The following DUS2 variants were observed in gnomAD, a reference collection of about 807,000 sequenced individuals.
DUS2 encodes the protein tRNA-dihydrouridine(20) synthase [NAD(P)+]-like.
DUS2 carries 52 observed loss-of-function variants against 71.3 expected under a neutral mutation model. That is an observed-to-expected ratio of 0.73 (90% CI 0.58 to 0.92). DUS2 has a LOEUF of 0.92. Among genes scored for constraint, DUS2 ranks in the 40% least tolerant of loss-of-function variants. DUS2 has a pLI of 0.00. For missense variants in DUS2, 558 were observed against 622.6 expected (o/e 0.90, Z 1.10); for synonymous variants, 204 against 227.8 (o/e 0.90, Z 0.94).
intron 9 of DUS2, 82 bp downstream of exon 9, chr16:68,066,464 A>C: frequency 6.3e-7 from 1 of 1,589,132 alleles, no homozygotes; most frequent in Non-Finnish European, 8.6e-7. Context: ...TTGAGGTGCT[A>C]AATTAGGCTT....
intron 2 of DUS2, among the ~76,000 whole-genome samples, chr16:68,028,471 T>TA (rs112723534): frequency 6.6e-5 from 10 of 150,378 alleles, no homozygotes; most frequent in Admixed American, 1.3e-4. Flanking sequence ...CCATCCCTAC[T>TA]AAAAAAAAAT....
At chr16:68,078,650 C>G in intron 16 of DUS2, 99 bp from the exon 17 acceptor site, 1 of 1,484,566 alleles carries the variant, frequency 6.7e-7, no homozygotes, top group Non-Finnish European at 9.3e-7. Flanking sequence ...TGGATGGTGA[C>G]CCCTTACTCA....
chr16:68,042,587 C>T (rs961173353), intron 3 of DUS2, among the ~76,000 whole-genome samples: 4 of 152,180 alleles, frequency 2.6e-5, no homozygotes, highest in African/African-American at 9.7e-5. Context: ...AGTGCAGTGA[C>T]CAGCCTGGAG....
intron 10 of DUS2, among the ~76,000 whole-genome samples, chr16:68,068,194 C>T (rs2034036217): frequency 6.6e-6 from 1 of 152,164 alleles, no homozygotes; most frequent in African/African-American, 2.4e-5. Context: ...GAGTGATGTT[C>T]CTTTGGGCTT....
At chr16:68,069,626 T>C (rs2034056397) in intron 10 of DUS2, among the ~76,000 whole-genome samples, 2 of 152,182 alleles carry the variant, frequency 1.3e-5, no homozygotes, top group Admixed American at 1.3e-4. Flanking sequence ...GTGCCTTTCC[T>C]GGGTGCGGGG....
At chr16:68,067,929 G>A (rs940840054) in intron 10 of DUS2, among the ~76,000 whole-genome samples, 7 of 152,180 alleles carry the variant, frequency 4.6e-5, no homozygotes, top group Non-Finnish European at 1.0e-4. Context: ...CAAAGTGCTG[G>A]GATTACAGGC....
intron 3 of DUS2, among the ~76,000 whole-genome samples, chr16:68,048,177 G>T (rs1028583058): frequency 1.3e-5 from 2 of 152,228 alleles, no homozygotes; most frequent in Non-Finnish European, 2.9e-5. Context: ...AGTTCTCCTG[G>T]GTTAGCTTAA....
chr16:68,046,108 G>T (rs1291640623), intron 3 of DUS2, among the ~76,000 whole-genome samples: 1 of 152,180 alleles, frequency 6.6e-6, no homozygotes, highest in Non-Finnish European at 1.5e-5. Flanking sequence ...GGTACCATGT[G>T]TGATGCTGAG....
At chr16:68,037,983 C>T (rs1555509180) in intron 2 of DUS2, 23 bp from the exon 3 acceptor site, 2 of 1,600,114 alleles carry the variant, frequency 1.2e-6, no homozygotes, top group South Asian at 2.3e-5. Context: ...ATTTCTGACT[C>T]TTGTTTCCTC....
Position 68,056,394 on chromosome 16 carries a change from C to T in DUS2, c.339C>T (p.Asn113=). ...VENDVAGIDV[N]MGCPKQYSTK... ...ATGATGTGGCTGGTATTGATGTCAACATGGGCTGTCCAAAACAATATTCCA... is the reference window on the plus strand; with the variant it reads ...ATGATGTGGCTGGTATTGATGTCAATATGGGCTGTCCAAAACAATATTCCA... Residue 113 remains asparagine, a synonymous_variant, in exon 7 of 17, where the codon AAC becomes AAT. Transcript: ENST00000565263. 6.2e-7 allele frequency: 1 copy of T among 1,613,794 alleles called. No homozygotes were observed. Among genetic ancestry groups the T allele is most frequent in the Non-Finnish European group, 8.5e-7 (1 of 1,179,864 alleles).
chr16:68,073,892 G>A (rs1351300524), intron 12 of DUS2, 142 bp from the exon 13 acceptor site: 5 of 992,232 alleles, frequency 5.0e-6, no homozygotes, highest in Non-Finnish European at 7.4e-6. Flanking sequence ...CCTGGCCAGT[G>A]GTGGTTCTTC....
At position 68,065,117 on chromosome 16, in the gene DUS2, C is replaced by T. The variant is rs975202272; in HGVS notation, c.418-1200C>T. ...CTTGTGTGGTCTGGTCTTGCTACCT[C>T]CCTGTCACTTTCCTGCGTGACTTCT... On this transcript the variant is annotated intron_variant, in intron 8 of 16. Coordinates refer to ENST00000565263, the MANE Select transcript of DUS2 (RefSeq NM_017803.5). 2.0e-5 allele frequency among the ~76,000 whole-genome samples: 3 copies of T among 152,206 alleles called. No individual in the cohort carries two copies. In the South Asian group the frequency reaches 6.2e-4, roughly 32 times the overall value.
chr16:68,060,797 G>C (rs1326647992), intron 7 of DUS2, among the ~76,000 whole-genome samples: 1 of 151,874 alleles, frequency 6.6e-6, no homozygotes, highest in African/African-American at 2.4e-5. Flanking sequence ...GCAGTGAGCC[G>C]AGATTGCGCC....
chr16:68,024,297 C>T (rs888751440), intron 1 of DUS2, among the ~76,000 whole-genome samples: 3 of 152,064 alleles, frequency 2.0e-5, no homozygotes, highest in Non-Finnish European at 1.5e-5. Flanking sequence ...CAGGGTTTCA[C>T]TATGTAGGCC....
intron 7 of DUS2, 68 bp from the exon 8 acceptor site, chr16:68,060,998 C>T (rs1474985085): frequency 1.3e-6 from 2 of 1,519,956 alleles, no homozygotes; most frequent in East Asian, 2.2e-5. Flanking sequence ...AGTTGCCAGA[C>T]CCCATCCCAT....
intron 8 of DUS2, among the ~76,000 whole-genome samples, chr16:68,061,950 A>G (rs2033945726): frequency 6.6e-6 from 1 of 152,120 alleles, no homozygotes; most frequent in Admixed American, 6.5e-5. Context: ...TGCTGGCTAC[A>G]TGCCTTCTCG....
At chr16:68,078,133 T>C in intron 15 of DUS2, 1 of 391,930 alleles carries the variant, frequency 2.6e-6, no homozygotes. Context: ...CTCACCCTTT[T>C]GGCATCTGGT....
intron 3 of DUS2, among the ~76,000 whole-genome samples, chr16:68,038,478 C>G (rs910286564): frequency 6.6e-6 from 1 of 152,046 alleles, no homozygotes; most frequent in Non-Finnish European, 1.5e-5. Flanking sequence ...GGCTGTAATC[C>G]CAGCACTTTG....
At chr16:68,034,882 GCTACT>G (rs1422833305) in intron 2 of DUS2, among the ~76,000 whole-genome samples, 1 of 152,102 alleles carries the variant, frequency 6.6e-6, no homozygotes, top group Non-Finnish European at 1.5e-5. Flanking sequence ...TGTAGTGCCA[GCTACT>G]CTACTCGGGA....
Sources: gnomAD v4.1 joint callset for allele counts (sites outside exome capture counted in the v4.1 genomes callset) on GRCh38, gnomAD v4.1.1 for gene constraint, MANE v1.5 for transcripts, NCBI Gene and HGNC (gene_info 2026-07-23, HGNC 2026-07-21) for gene names.